TRPM7: variants seen among roughly 807,000 people sequenced by gnomAD.
TRPM7 encodes the protein LTRPC ion channel family member 7.
Under a neutral mutation model 229.7 loss-of-function variants are expected in TRPM7, and 134 were observed. That is an observed-to-expected ratio of 0.58 (90% CI 0.51 to 0.67). TRPM7 has a LOEUF of 0.67. Ranked by LOEUF, TRPM7 falls within the 30% of genes least tolerant of loss-of-function variation. TRPM7 has a pLI of 0.00. For synonymous variants in TRPM7, 699 were observed against 715.2 expected (o/e 0.98, Z 0.36); for missense variants, 1,901 against 2,210.0 (o/e 0.86, Z 2.80).
At chr15:50,643,649 A>G (rs1351158482) in intron 4 of TRPM7, 96 bp from the exon 5 acceptor site, 1 of 872,328 alleles carries the variant, frequency 1.1e-6, no homozygotes, top group East Asian at 2.6e-5. Flanking sequence ...TATGAATCAG[A>G]TTATGTAAAA....
intron 3 of TRPM7, among the ~76,000 whole-genome samples, chr15:50,655,303 T>A (rs1270402772): frequency 1.3e-5 from 2 of 151,214 alleles, no homozygotes; most frequent in East Asian, 3.9e-4. Flanking sequence ...CATGGTGGCA[T>A]GCGTCTGTAA....
At chr15:50,598,076 G>C (rs28409659) in intron 22 of TRPM7, among the ~76,000 whole-genome samples, 1 of 152,042 alleles carries the variant, frequency 6.6e-6, no homozygotes, top group African/African-American at 2.4e-5. Flanking sequence ...GGCCACCCTT[G>C]GACCTAACCA....
chr15:50,673,885 T>C (rs371797545), intron 1 of TRPM7, among the ~76,000 whole-genome samples: 5 of 152,228 alleles, frequency 3.3e-5, no homozygotes, highest in African/African-American at 1.2e-4. Flanking sequence ...ACCAGCAGTG[T>C]AGAAGTGTTC....
In TRPM7 at chr15:50,634,433, C is replaced by T; in HGVS notation, c.956G>A (p.Gly319Asp). ...PVPVVVCEGT[G>D]RAADLLAYIH... Reference sequence around the variant, plus strand: ...ATACGCTAGCAGATCTGCAGCTCTGCCTGTTCCTTCACACACAACTACTGG... The same window carrying T: ...ATACGCTAGCAGATCTGCAGCTCTGTCTGTTCCTTCACACACAACTACTGG... The change falls in exon 8 of 39, where the codon GGC (glycine) becomes GAC (aspartate). Residue 319 changes from glycine (G) to aspartate (D), a missense_variant. This residue lies in a region of TRPM7 where 794 missense variants were observed against 881.9 expected (regional missense o/e 0.90). Transcript: ENST00000646667. 1 of 1,589,266 alleles carries T rather than the reference C, an allele frequency of 6.3e-7. No individual in the cohort carries two copies.
At chr15:50,579,759 T>C (rs1353267753) in intron 30 of TRPM7, among the ~76,000 whole-genome samples, 1 of 152,210 alleles carries the variant, frequency 6.6e-6, no homozygotes, top group Non-Finnish European at 1.5e-5. Context: ...AGGTTTATTT[T>C]CTTCTTTATA....
chr15:50,651,749 G>T (rs2061425542), intron 3 of TRPM7, among the ~76,000 whole-genome samples: 1 of 151,964 alleles, frequency 6.6e-6, no homozygotes, highest in Non-Finnish European at 1.5e-5. Flanking sequence ...AATAAGCTGG[G>T]CGTCGTGGCA....
chr15:50,650,362 G>T (rs2061389526), intron 3 of TRPM7, among the ~76,000 whole-genome samples: 1 of 151,884 alleles, frequency 6.6e-6, no homozygotes, highest in Non-Finnish European at 1.5e-5. Context: ...TTATGACAGG[G>T]TCCTCAAAAA....
At chr15:50,612,919 T>A (rs2060102319) in intron 15 of TRPM7, 90 bp from the exon 16 acceptor site, 2 of 1,154,988 alleles carry the variant, frequency 1.7e-6, no homozygotes, top group East Asian at 2.4e-5. Flanking sequence ...ATCTTTACAT[T>A]ATTCAGCTCC....
chr15:50,582,887 T>C (rs1198046393), intron 29 of TRPM7: 1 of 344,990 alleles, frequency 2.9e-6, no homozygotes, highest in African/African-American at 2.1e-5. Flanking sequence ...CTGCCTTTAT[T>C]CTGCATAAAT....
rs1178369930 is a variant in TRPM7 at position 50,604,832 on chromosome 15, AC to A, written c.2988+33del. On this transcript the variant is annotated intron_variant, in intron 21 of 38. Transcript: ENST00000646667. ...TTGTGATTTTTTAAAAAATCAATAA[AC>A]CCACGAGTATTATCAAACATCTGTC... The A allele has an allele frequency of 3.3e-6, 5 of 1,518,180 alleles. No individual in the cohort carries two copies. The African/African-American group carries it at 5.6e-5, about 17-fold the overall frequency. The allele number at this position is 1,518,180 out of a possible 1,614,324, so 94.0% of individuals were successfully genotyped here.
At chr15:50,627,972 T>C (rs929888350) in intron 11 of TRPM7, among the ~76,000 whole-genome samples, 177 bp downstream of exon 11, 3 of 152,228 alleles carry the variant, frequency 2.0e-5, no homozygotes, top group African/African-American at 7.2e-5. Context: ...TAAGGTTTTA[T>C]CTAGAGGCAT....
At chr15:50,590,841 A>G (rs79071873) in intron 26 of TRPM7, among the ~76,000 whole-genome samples, 36,995 of 149,840 alleles carry the variant, frequency 0.25, 4,743 homozygotes, top group East Asian at 0.43. Context: ...AAAAAAAAAA[A>G]GGGGGAATAT....
At chr15:50,635,966 G>A (rs988637732) in intron 7 of TRPM7, among the ~76,000 whole-genome samples, 30 of 151,070 alleles carry the variant, frequency 2.0e-4, no homozygotes, top group African/African-American at 3.4e-4. Context: ...GCGACAGTGC[G>A]AGACTCCATC....
At position 50,643,461 on chromosome 15, in the gene TRPM7, A is replaced by T; in HGVS notation, c.414T>A (p.Ser138=). The part of the protein sequence containing the change: ...WQMELPKLVI[S]VHGGMQKFEL... ...CAAATTTCTGCATGCCCCCATGTAC[A>T]GAGATAACAAGTTTGGGTAACTCCA... Residue 138 remains serine (S), a synonymous_variant, in exon 5 of 39, where the codon TCT becomes TCA. Transcript: ENST00000646667. 1 of 1,614,184 alleles carries T rather than the reference A, an allele frequency of 6.2e-7. No homozygotes were observed. Among genetic ancestry groups the T allele is most frequent in the Non-Finnish European group, 8.5e-7 (1 of 1,180,030 alleles).
At chr15:50,613,626 G>GT (rs1203002529) in intron 15 of TRPM7, 81 bp downstream of exon 15, 83 of 1,228,974 alleles carry the variant, frequency 6.8e-5, no homozygotes, top group East Asian at 6.4e-4. Flanking sequence ...AAATCAATTA[G>GT]TTTTTTTTGT....
chr15:50,650,029 T>C (rs1280849844), intron 3 of TRPM7, among the ~76,000 whole-genome samples: 1 of 151,324 alleles, frequency 6.6e-6, no homozygotes, highest in African/African-American at 2.4e-5. Context: ...CCGTCTCTAC[T>C]AAAAATACAA....
intron 1 of TRPM7, among the ~76,000 whole-genome samples, chr15:50,681,926 A>C (rs1413005426): frequency 6.6e-6 from 1 of 152,180 alleles, no homozygotes; most frequent in African/African-American, 2.4e-5. Flanking sequence ...TCACGCCTGT[A>C]ATCCCAGCAC....
At chr15:50,577,563 C>A (rs2054195922) in intron 31 of TRPM7, among the ~76,000 whole-genome samples, 1 of 152,070 alleles carries the variant, frequency 6.6e-6, no homozygotes, top group Admixed American at 6.6e-5. Context: ...CACCCGGGGG[C>A]AGGGAAGGGT....
intron 1 of TRPM7, among the ~76,000 whole-genome samples, chr15:50,686,190 T>A (rs966833244): frequency 2.0e-5 from 3 of 152,342 alleles, no homozygotes; most frequent in African/African-American, 7.2e-5. Flanking sequence ...GCTTGTAGGC[T>A]GAGCCCTGCG....
Sources: gnomAD v4.1 joint callset for allele counts (sites outside exome capture counted in the v4.1 genomes callset) on GRCh38, gnomAD v4.1.1 for gene constraint, gnomAD v4.1.1 regional missense constraint, MANE v1.5 for transcripts, NCBI Gene and HGNC (gene_info 2026-07-23, HGNC 2026-07-21) for gene names.